The following CLEC14A variants were observed in gnomAD, a reference collection of about 807,000 sequenced individuals.
The protein encoded by CLEC14A is C-type lectin domain family 14 member A.
For missense variants in CLEC14A, 682 were observed against 659.9 expected (o/e 1.03, Z -0.37); for synonymous variants, 349 against 292.0 (o/e 1.20, Z -1.99).
chr14:38,254,622 C>G lies in CLEC14A; in HGVS notation c.1401G>C (p.Gly467=), dbSNP rs1884002148. 1 of 1,614,102 alleles carries G rather than the reference C, an allele frequency of 6.2e-7. No homozygotes were observed. The highest frequency in any genetic ancestry group is 8.5e-7 in the Non-Finnish European group (1 of 1,179,980). Residue 467 remains glycine (G), a synonymous_variant, in exon 1 of 1, where the codon GGG becomes GGC. Coordinates refer to ENST00000342213, the MANE Select transcript of CLEC14A (RefSeq NM_175060.3). ...CTGCTCTGTCCCGCAGATCACAGTC[C>G]CCGACTTTCACCCCATTGTTTGTGC... ...AHCTNNGVKV[G]DCDLRDRAEG... is the part of the protein sequence containing the mutation.
Position 38,255,485 on chromosome 14 carries a change from G to T in CLEC14A, c.538C>A (p.Pro180Thr), listed in dbSNP as rs779015523. 1 of 1,613,054 alleles carries T rather than the reference G, an allele frequency of 6.2e-7. No individual in the cohort carries two copies. Among genetic ancestry groups the T allele is most frequent in the Admixed American group, 1.7e-5 (1 of 60,008 alleles). Reference protein sequence around the residue: ...LCKYQFEVLCPAPRPGAASNL... With the variant: ...LCKYQFEVLCTAPRPGAASNL... Reference sequence around the variant, plus strand: ...GAGGCGGCCCCGGGGCGCGGCGCAGGACACAAGACCTCAAACTGGTACTTG... The same window carrying T: ...GAGGCGGCCCCGGGGCGCGGCGCAGTACACAAGACCTCAAACTGGTACTTG... The change falls in exon 1 of 1, where the codon CCT becomes ACT. Residue 180 changes from proline to threonine, a missense_variant. Pro to Thr is a conservative substitution (Grantham distance 38). Transcript: ENST00000342213. The surrounding 1 kb of genome is among the most constrained non-coding windows in gnomAD (Gnocchi z 5.1).
chr14:38,256,000 C>T lies in CLEC14A; in HGVS notation c.23G>A (p.Cys8Tyr). MRPAFALCLLWQALWPGP... is the reference protein window; with the variant it reads MRPAFALYLLWQALWPGP... ...GGGCCAGAGCGCCTGCCAGAGGAGG[C>T]ACAGGGCGAACGCCGGCCTCATTCT... Residue 8 changes from cysteine (C) to tyrosine (Y), a missense_variant, in exon 1 of 1, where the codon TGC (cysteine) becomes TAC (tyrosine). Transcript: ENST00000342213. This position sits in a 1 kb window ranked among gnomAD's most constrained non-coding sequence, Gnocchi z 5.1. 1.3e-6 allele frequency: 2 copies of T among 1,534,550 alleles called. No homozygotes were observed. Among genetic ancestry groups the T allele is most frequent in the Admixed American group, 2.0e-5 (1 of 49,366 alleles).
chr14:38,256,068 C>A lies in CLEC14A; in HGVS notation c.-46G>T, dbSNP rs1390817258. 1 of 1,461,624 alleles carries A rather than the reference C, an allele frequency of 6.8e-7. No homozygotes were observed. Among genetic ancestry groups the A allele is most frequent in the Non-Finnish European group, 9.0e-7 (1 of 1,106,164 alleles). 90.5% of individuals were successfully genotyped at this position (1,461,624 alleles called of 1,614,324 possible). A position where few individuals can be genotyped will look rare whatever the true frequency, so the allele number is the denominator to read the frequency against. ...GAGCTGCTCCCAACTTGGATCTGTCCCGCTCGAGGACGCAGAGCTGTGTCT... is the reference window on the plus strand; with the variant it reads ...GAGCTGCTCCCAACTTGGATCTGTCACGCTCGAGGACGCAGAGCTGTGTCT... On this transcript the variant is annotated 5_prime_UTR_variant, in exon 1 of 1. Transcript: ENST00000342213.
chr14:38,254,974 C>A lies in CLEC14A; in HGVS notation c.1049G>T (p.Gly350Val). 1 of 1,614,108 alleles carries A rather than the reference C, an allele frequency of 6.2e-7. No individual in the cohort carries two copies. Among genetic ancestry groups the A allele is most frequent in the Non-Finnish European group, 8.5e-7 (1 of 1,180,004 alleles). Residue 350 changes from glycine to valine, a missense_variant, in exon 1 of 1, where the codon GGA becomes GTA. Gly to Val is a moderately radical substitution (Grantham distance 109, BLOSUM62 -3). Transcript: ENST00000342213. ...AAGGGTAGACATCGTGCTCTGTGAT[C>A]CCCATCGAGGAATCTCAGGAATAGA... Reference protein sequence around the residue: ...VTSIPEIPRWGSQSTMSTLQM... With the variant: ...VTSIPEIPRWVSQSTMSTLQM...
rs749083132 is a variant in CLEC14A, at chr14:38,255,114, G to A, written c.909C>T (p.Thr303=). The change falls in exon 1 of 1, where the codon ACC becomes ACT. Residue 303 remains threonine (T), a synonymous_variant. Coordinates refer to ENST00000342213, the MANE Select transcript of CLEC14A (RefSeq NM_175060.3). This position sits in a 1 kb window ranked among gnomAD's most constrained non-coding sequence, Gnocchi z 5.1. ...QPTLGGTGVP[T]RRPPATATSP... ...TGGTTGCAGTGGCCGGCGGGCGCCT[G>A]GTGGGCACCCCGGTCCCCCCAAGGG... 7 of 1,612,252 alleles carry A rather than the reference G, an allele frequency of 4.3e-6. No individual in the cohort carries two copies. The highest frequency in any genetic ancestry group is 1.3e-5 in the African/African-American group (1 of 74,902).
In CLEC14A at chr14:38,255,936, A is replaced by G. The variant is rs934844682; in HGVS notation, c.87T>C (p.Ala29=). The G allele has an allele frequency of 2.6e-6, 4 of 1,565,112 alleles. No individual in the cohort carries two copies. Among genetic ancestry groups the G allele is most frequent in the Non-Finnish European group, 3.5e-6 (4 of 1,159,230 alleles). Residue 29 remains alanine, a synonymous_variant, in exon 1 of 1, where the codon GCT becomes GCC. Transcript: ENST00000342213. This position sits in a 1 kb window ranked among gnomAD's most constrained non-coding sequence, Gnocchi z 5.1. ...AGCAGGCCCCCGAGGCCGAGCAGCC[A>G]GCACGGTCGGCAGTGGGGTGTTCGC... is the stretch of plus-strand genomic sequence containing the variant. ...GGGEHPTADR[A]GCSASGACYS...
Position 38,254,771 on chromosome 14 carries a change from G to T in CLEC14A, c.1252C>A (p.Leu418Met). 4 of 1,614,160 alleles carry T rather than the reference G, an allele frequency of 2.5e-6. No homozygotes were observed. Among genetic ancestry groups the T allele is most frequent in the Non-Finnish European group, 3.4e-6 (4 of 1,180,024 alleles). Residue 418 changes from leucine (L) to methionine (M), a missense_variant, in exon 1 of 1, where the codon CTG (leucine) becomes ATG (methionine). By Grantham distance (15) the Leu-to-Met change is conservative. Transcript: ENST00000342213. ...TGAAAGCAGAGCTTGACAAGCCCCA[G>T]TACTGTCATGGTCAAGATCACCAAC... The part of the protein sequence containing the change: ...VVLVILTMTV[L>M]GLVKLCFHES...
rs762324985 is a variant in CLEC14A, at chr14:38,255,990, C to T, written c.33G>A (p.Trp11Ter). 2 of 1,539,294 alleles carry T rather than the reference C, an allele frequency of 1.3e-6. No individual in the cohort carries two copies. The highest frequency in any genetic ancestry group is 1.2e-5 in the South Asian group (1 of 83,068). The part of the protein sequence containing the change: MRPAFALCLL[W>*]QALWPGPGGG... ...CGCCCGGCCCGGGCCAGAGCGCCTG[C>T]CAGAGGAGGCACAGGGCGAACGCCG... Residue 11 changes from tryptophan to a stop codon, truncating the protein, a stop_gained, in exon 1 of 1, where the codon TGG becomes TGA. Transcript: ENST00000342213. LOFTEE classifies it low-confidence loss of function (END_TRUNC). This position sits in a 1 kb window ranked among gnomAD's most constrained non-coding sequence, Gnocchi z 5.1.
At position 38,254,232 on chromosome 14, in the gene CLEC14A, A is replaced by T. The variant is rs866765953; in HGVS notation, c.*318T>A. 3.2e-5 allele frequency: 7 copies of T among 215,892 alleles called. No homozygotes were observed. Among genetic ancestry groups the T allele is most frequent in the South Asian group, 1.6e-4 (1 of 6,090 alleles). The allele number at this position is 215,892 out of a possible 1,614,324, so 13.4% of individuals were successfully genotyped here. ...TTGGTAGAAATTATTTTTTAATGTA[A>T]ATTATATTGTGTTCTATTTGTTTCC... On this transcript the variant is annotated 3_prime_UTR_variant, in exon 1 of 1. Coordinates refer to ENST00000342213, the MANE Select transcript of CLEC14A (RefSeq NM_175060.3).
In CLEC14A at chr14:38,254,715, C is replaced by A. The variant is rs753751121; in HGVS notation, c.1308G>T (p.Glu436Asp). 1 of 1,614,124 alleles carries A rather than the reference C, an allele frequency of 6.2e-7. No individual in the cohort carries two copies. The highest frequency in any genetic ancestry group is 2.2e-5 in the East Asian group (1 of 44,856). The stretch of plus-strand genomic sequence containing the variant: ...TCTCCAGGCCCGGCGGGCCCATAGA[C>A]TCCTTCCTTGGCTGGGAAGAGGGGC... ...HESPSSQPRK[E>D]SMGPPGLESD... is the part of the protein sequence containing the mutation. Residue 436 changes from glutamate to aspartate, a missense_variant, in exon 1 of 1, where the codon GAG becomes GAT. Coordinates refer to ENST00000342213, the MANE Select transcript of CLEC14A (RefSeq NM_175060.3).
chr14:38,254,881 T>A lies in CLEC14A; in HGVS notation c.1142A>T (p.Asn381Ile). ...TPSGSVISKF[N>I]STTSSATPQA... is the part of the protein sequence containing the mutation. ...AGGAGTGGCAGAGGAAGTCGTAGAA[T>A]TAAACTTGGAAATCACGCTCCCTGA... The change falls in exon 1 of 1, where the codon AAT becomes ATT. Residue 381 changes from asparagine (N) to isoleucine (I), a missense_variant. Asn to Ile is a moderately radical substitution (Grantham distance 149). Coordinates refer to ENST00000342213, the MANE Select transcript of CLEC14A (RefSeq NM_175060.3). 2.5e-6 allele frequency: 4 copies of A among 1,614,102 alleles called. No homozygotes were observed. The highest frequency in any genetic ancestry group is 3.4e-6 in the Non-Finnish European group (4 of 1,180,000).
Position 38,255,959 on chromosome 14 carries a change from C to G in CLEC14A, c.64G>C (p.Glu22Gln), listed in dbSNP as rs775450370. ...CCAGCACGGTCGGCAGTGGGGTGTTCGCCGCCGCCCGGCCCGGGCCAGAGC... is the reference window on the plus strand; with the variant it reads ...CCAGCACGGTCGGCAGTGGGGTGTTGGCCGCCGCCCGGCCCGGGCCAGAGC... The part of the protein sequence containing the change: ...QALWPGPGGG[E>Q]HPTADRAGCS... Residue 22 changes from glutamate to glutamine, a missense_variant, in exon 1 of 1, where the codon GAA (glutamate) becomes CAA (glutamine). By Grantham distance (29) the Glu-to-Gln change is conservative. Transcript: ENST00000342213. This position sits in a 1 kb window ranked among gnomAD's most constrained non-coding sequence, Gnocchi z 5.1. 1 of 1,549,058 alleles carries G rather than the reference C, an allele frequency of 6.5e-7. No homozygotes were observed. The highest frequency in any genetic ancestry group is 1.2e-5 in the South Asian group (1 of 84,062).
Position 38,255,273 on chromosome 14 carries a change from G to T in CLEC14A, c.750C>A (p.Tyr250Ter). ...GCTCTGCGCATTTGCCAGCACGGAG[G>T]TACCTCCCGGGGCAGGGACACAACA... ...GDVLCPCPGR[Y>*]LRAGKCAELP... Residue 250 changes from tyrosine (Y) to a stop codon, truncating the protein, a stop_gained, in exon 1 of 1, where the codon TAC becomes TAA. Transcript: ENST00000342213. LOFTEE classifies it low-confidence loss of function (END_TRUNC). The surrounding 1 kb of genome is among the most constrained non-coding windows in gnomAD (Gnocchi z 5.1). 6.2e-7 allele frequency: 1 copy of T among 1,613,816 alleles called. No homozygotes were observed. Among genetic ancestry groups the T allele is most frequent in the African/African-American group, 1.3e-5 (1 of 75,054 alleles).
rs771879860 is a variant in CLEC14A, at chr14:38,255,697, G to T, written c.326C>A (p.Pro109His). 3 of 1,582,100 alleles carry T rather than the reference G, an allele frequency of 1.9e-6. No homozygotes were observed. The African/African-American group carries it at 4.0e-5, about 21-fold the overall frequency. The change falls in exon 1 of 1, where the codon CCT becomes CAT. Residue 109 changes from proline (P) to histidine (H), a missense_variant. Physicochemically the swap from Pro to His is moderately conservative, Grantham distance 77 (BLOSUM62 -2). Coordinates refer to ENST00000342213, the MANE Select transcript of CLEC14A (RefSeq NM_175060.3). This position sits in a 1 kb window ranked among gnomAD's most constrained non-coding sequence, Gnocchi z 5.1. ...GGACAGCCAGGAGAAACCCCGCAAA[G>T]GCTCGTTCTCCAGGGTGCAGTGGGA... Reference protein sequence around the residue: ...RRSHCTLENEPLRGFSWLSSD... With the variant: ...RRSHCTLENEHLRGFSWLSSD...
In CLEC14A at chr14:38,254,456, A is replaced by C. The variant is rs745521947; in HGVS notation, c.*94T>G. 4.9e-4 allele frequency: 607 copies of C among 1,236,934 alleles called. No homozygotes were observed. Among genetic ancestry groups the C allele is most frequent in the Non-Finnish European group, 6.4e-4 (567 of 886,806 alleles). The allele number at this position is 1,236,934 out of a possible 1,614,324, so 76.6% of individuals were successfully genotyped here. On this transcript the variant is annotated 3_prime_UTR_variant, in exon 1 of 1. Transcript: ENST00000342213. ...AATTTAGAGGAAGGGGGATTTCTGC[A>C]GAAATTGTCAGTTACACAAGTAAGT...
At position 38,255,977 on chromosome 14, in the gene CLEC14A, G is replaced by A; in HGVS notation, c.46C>T (p.Pro16Ser). The change falls in exon 1 of 1, where the codon CCC becomes TCC. Residue 16 changes from proline (P) to serine (S), a missense_variant. Transcript: ENST00000342213. This position sits in a 1 kb window ranked among gnomAD's most constrained non-coding sequence, Gnocchi z 5.1. ...GGGTGTTCGCCGCCGCCCGGCCCGG[G>A]CCAGAGCGCCTGCCAGAGGAGGCAC... ...ALCLLWQALW[P>S]GPGGGEHPTA... 6.5e-7 allele frequency: 1 copy of A among 1,542,792 alleles called. No individual in the cohort carries two copies. Among genetic ancestry groups the A allele is most frequent in the Non-Finnish European group, 8.7e-7 (1 of 1,145,044 alleles).
rs370513011 is a variant in CLEC14A at position 38,254,998 on chromosome 14, G to A, written c.1025C>T (p.Ser342Phe). 21 of 1,614,100 alleles carry A rather than the reference G, an allele frequency of 1.3e-5. No individual in the cohort carries two copies. The highest frequency in any genetic ancestry group is 1.8e-5 in the Non-Finnish European group (21 of 1,180,008). ...TCCCCATCGAGGAATCTCAGGAATAGATGTTACTGAATTGTCTTGTTCAGG... is the reference window on the plus strand; with the variant it reads ...TCCCCATCGAGGAATCTCAGGAATAAATGTTACTGAATTGTCTTGTTCAGG... The part of the protein sequence containing the change: ...LVPEQDNSVT[S>F]IPEIPRWGSQ... The change falls in exon 1 of 1, where the codon TCT (serine) becomes TTT (phenylalanine). Residue 342 changes from serine (S) to phenylalanine (F), a missense_variant. Transcript: ENST00000342213.
chr14:38,255,385 C>A lies in CLEC14A; in HGVS notation c.638G>T (p.Ser213Ile), dbSNP rs908630005. 1.2e-6 allele frequency: 2 copies of A among 1,613,372 alleles called. No homozygotes were observed. Among genetic ancestry groups the A allele is most frequent in the African/African-American group, 2.7e-5 (2 of 74,930 alleles). ...LDFSPPGTEV[S>I]ALCRGQLPIS... is the part of the protein sequence containing the mutation. ...CGGGAGCTGTCCCCGGCAGAGCGCACTCACCTCGGTCCCAGGTGGACTGAA... is the reference window on the plus strand; with the variant it reads ...CGGGAGCTGTCCCCGGCAGAGCGCAATCACCTCGGTCCCAGGTGGACTGAA... The change falls in exon 1 of 1, where the codon AGT (serine) becomes ATT (isoleucine). Residue 213 changes from serine (S) to isoleucine (I), a missense_variant. Coordinates refer to ENST00000342213, the MANE Select transcript of CLEC14A (RefSeq NM_175060.3). The surrounding 1 kb of genome is among the most constrained non-coding windows in gnomAD (Gnocchi z 5.1).
chr14:38,255,959 C>A lies in CLEC14A; in HGVS notation c.64G>T (p.Glu22Ter). ...CCAGCACGGTCGGCAGTGGGGTGTT[C>A]GCCGCCGCCCGGCCCGGGCCAGAGC... ...QALWPGPGGGEHPTADRAGCS... is the reference protein window; with the variant it reads ...QALWPGPGGG The change falls in exon 1 of 1, where the codon GAA (glutamate) becomes TAA (stop). Residue 22 changes from glutamate (E) to a stop codon, truncating the protein, a stop_gained. Transcript: ENST00000342213. LOFTEE classifies it low-confidence loss of function (END_TRUNC). This position sits in a 1 kb window ranked among gnomAD's most constrained non-coding sequence, Gnocchi z 5.1. 6.5e-7 allele frequency: 1 copy of A among 1,549,058 alleles called. No homozygotes were observed. Among genetic ancestry groups the A allele is most frequent in the Non-Finnish European group, 8.7e-7 (1 of 1,148,956 alleles).
Sources: gnomAD v4.1 joint callset for allele counts on GRCh38, gnomAD v4.1.1 for gene constraint, Gnocchi (gnomAD v3.1) non-coding constraint, MANE v1.5 for transcripts, NCBI Gene and HGNC (gene_info 2026-07-23, HGNC 2026-07-21) for gene names.